Variants in NEGR1 observed in about 807,000 individuals in gnomAD.
NEGR1 encodes IgLON family member 4.
A neutral mutation model predicts 40.9 loss-of-function variants in NEGR1; 10 were observed. That is an observed-to-expected ratio of 0.24 (90% CI 0.15 to 0.42). NEGR1 has a LOEUF of 0.42. Ranked by LOEUF, NEGR1 falls within the 10% of genes least tolerant of loss-of-function variation. The probability of loss-of-function intolerance (pLI) is 1.00; values close to 1 mark genes in which losing one functional copy is unlikely to be tolerated. For missense variants in NEGR1, 352 were observed against 438.9 expected (o/e 0.80, Z 1.77); for synonymous variants, 185 against 166.8 (o/e 1.11, Z -0.84).
intron 3 of NEGR1, among the ~76,000 whole-genome samples, chr1:71,764,584 AG>A (rs755513781): frequency 5.3e-5 from 8 of 152,226 alleles, no homozygotes; most frequent in Non-Finnish European, 1.0e-4. Context: ...CATTTGGCCC[AG>A]GAACTGCTAA....
In NEGR1 at chr1:71,564,627, C is replaced by T. The variant is rs145406808; in HGVS notation, c.940+28190G>A. On this transcript the variant is annotated intron_variant, in intron 6 of 6. Transcript: ENST00000357731. ...AGTAAGAAAACATCAAAAATTTAAT[C>T]GCAATTTTTGTTGATAGTTCAAAGA... Among the ~76,000 whole-genome samples the T allele has an allele frequency of 8.5e-5, 13 of 152,098 alleles. No homozygotes were observed. In the East Asian group the frequency reaches 9.7e-4, roughly 11 times the overall value.
At chr1:71,505,929 G>T (rs1647031175) in intron 6 of NEGR1, among the ~76,000 whole-genome samples, 1 of 152,042 alleles carries the variant, frequency 6.6e-6, no homozygotes, top group South Asian at 2.1e-4. Context: ...AATTTCCTAG[G>T]AGAAAGGGGA....
intron 5 of NEGR1, among the ~76,000 whole-genome samples, chr1:71,596,971 G>A (rs1367746932): frequency 6.6e-6 from 1 of 152,066 alleles, no homozygotes; most frequent in African/African-American, 2.4e-5. Flanking sequence ...TATATGAGTG[G>A]GTAGATTAAT....
At chr1:71,699,912 T>C (rs1470111182) in intron 3 of NEGR1, among the ~76,000 whole-genome samples, 1 of 151,870 alleles carries the variant, frequency 6.6e-6, no homozygotes, top group Admixed American at 6.6e-5. Flanking sequence ...TCCTCTTTTT[T>C]CTCTTCCCGC....
At chr1:71,595,345 T>G (rs544818942) in intron 5 of NEGR1, among the ~76,000 whole-genome samples, 5 of 152,244 alleles carry the variant, frequency 3.3e-5, no homozygotes, top group Non-Finnish European at 7.3e-5. Context: ...CTGAAATTAC[T>G]AGAGAAATCT....
At chr1:71,646,557 T>G (rs1651537852) in intron 4 of NEGR1, among the ~76,000 whole-genome samples, 1 of 151,860 alleles carries the variant, frequency 6.6e-6, no homozygotes, top group African/African-American at 2.4e-5. Context: ...CTGGCTCCCC[T>G]AATTTAGAAT....
intron 1 of NEGR1, among the ~76,000 whole-genome samples, chr1:72,147,953 C>T (rs1376845397): frequency 6.6e-6 from 1 of 152,126 alleles, no homozygotes; most frequent in East Asian, 1.9e-4. Context: ...TAGCAGGGTA[C>T]AGCCTCCCTC....
chr1:71,736,826 A>G (rs905282637), intron 3 of NEGR1, among the ~76,000 whole-genome samples: 2 of 152,196 alleles, frequency 1.3e-5, no homozygotes, highest in African/African-American at 4.8e-5. Context: ...GCAGAAGGAG[A>G]AAAAATGTGG....
At chr1:71,715,917 A>G (rs543898027) in intron 3 of NEGR1, among the ~76,000 whole-genome samples, 1 of 152,014 alleles carries the variant, frequency 6.6e-6, no homozygotes, top group South Asian at 2.1e-4. Context: ...TTGCTTTCAC[A>G]TTTTTGGGTA....
At chr1:72,077,588 G>C (rs1647798316) in intron 1 of NEGR1, among the ~76,000 whole-genome samples, 2 of 151,916 alleles carry the variant, frequency 1.3e-5, no homozygotes, top group South Asian at 4.2e-4. Flanking sequence ...CCAAGAGTTT[G>C]AGACCAGGCT....
chr1:71,485,236 T>C (rs568132980), intron 6 of NEGR1, among the ~76,000 whole-genome samples: 1 of 146,582 alleles, frequency 6.8e-6, no homozygotes, highest in Non-Finnish European at 1.5e-5. Context: ...TTTTTTTTTA[T>C]CATAAAACTT....
chr1:71,806,448 G>A (rs1254077648), intron 2 of NEGR1, among the ~76,000 whole-genome samples: 1 of 151,408 alleles, frequency 6.6e-6, no homozygotes, highest in Non-Finnish European at 1.5e-5. Context: ...TCTATAAAAA[G>A]TAAGAAATAA....
At chr1:71,949,462 C>G (rs1454475883) in intron 1 of NEGR1, among the ~76,000 whole-genome samples, 1 of 152,054 alleles carries the variant, frequency 6.6e-6, no homozygotes, top group Non-Finnish European at 1.5e-5. Context: ...GTAAGAAGTT[C>G]AGTACCTGTC....
chr1:71,594,708 C>T (rs1263383936), intron 5 of NEGR1, among the ~76,000 whole-genome samples: 1 of 152,086 alleles, frequency 6.6e-6, no homozygotes, highest in Non-Finnish European at 1.5e-5. Flanking sequence ...TGCTAAATTC[C>T]CCTAGTCATT....
chr1:71,713,564 A>T (rs1451989239), intron 3 of NEGR1, among the ~76,000 whole-genome samples: 2 of 152,256 alleles, frequency 1.3e-5, no homozygotes, highest in Non-Finnish European at 2.9e-5. Flanking sequence ...GTTACACATA[A>T]TGTAGCAGAA....
chr1:71,975,090 G>C (rs1402660246), intron 1 of NEGR1, among the ~76,000 whole-genome samples: 2 of 152,044 alleles, frequency 1.3e-5, no homozygotes, highest in Non-Finnish European at 2.9e-5. Context: ...AACTGTTTTT[G>C]CATGTTGAAT....
intron 6 of NEGR1, among the ~76,000 whole-genome samples, chr1:71,486,237 G>A (rs768632837): frequency 2.0e-5 from 3 of 151,490 alleles, no homozygotes; most frequent in Non-Finnish European, 4.4e-5. Context: ...ATTTGACATG[G>A]TATATTTTTT....
chr1:71,530,541 G>A (rs1647319700), intron 6 of NEGR1, among the ~76,000 whole-genome samples: 5 of 151,322 alleles, frequency 3.3e-5, no homozygotes, highest in Admixed American at 3.3e-4. Flanking sequence ...AATGAAGGGT[G>A]AGTTTCATTT....
At chr1:72,170,833 A>C (rs1465831312) in intron 1 of NEGR1, among the ~76,000 whole-genome samples, 3 of 152,158 alleles carry the variant, frequency 2.0e-5, no homozygotes, top group African/African-American at 7.2e-5. Context: ...TTTAAATTCC[A>C]TTAACCTGTT....
Sources: allele counts gnomAD v4.1 joint callset (sites outside exome capture counted in the v4.1 genomes callset), GRCh38; gene constraint gnomAD v4.1.1; transcripts MANE v1.5; gene names NCBI Gene and HGNC (gene_info 2026-07-23, HGNC 2026-07-21).